Variants in NBEA observed in about 807,000 individuals in gnomAD.
The protein encoded by NBEA is lysosomal-trafficking regulator 2.
Under a neutral mutation model 343.4 loss-of-function variants are expected in NBEA, and 44 were observed. That is an observed-to-expected ratio of 0.13 (90% CI 0.10 to 0.16). The LOEUF (loss-of-function observed/expected upper bound fraction) is 0.16. NBEA is among the 10% of genes least tolerant of loss of function. The pLI, the probability that NBEA is intolerant of heterozygous loss-of-function variation, is 1.00. For synonymous variants in NBEA, 1,175 were observed against 1,238.7 expected (o/e 0.95, Z 1.08); for missense variants, 2,555 against 3,631.3 (o/e 0.70, Z 7.62).
At chr13:35,447,046 T>C (rs1318826358) in intron 39 of NBEA, among the ~76,000 whole-genome samples, 2 of 152,084 alleles carry the variant, frequency 1.3e-5, no homozygotes, top group Admixed American at 1.3e-4. Flanking sequence ...TTAGAGTTGA[T>C]TATAGGAGGA....
rs2075032386 is a variant in NBEA, at chr13:35,232,557, A to G, written c.5714A>G (p.Asp1905Gly). 1 of 1,555,940 alleles carries G rather than the reference A, an allele frequency of 6.4e-7. No homozygotes were observed. Among genetic ancestry groups the G allele is most frequent in the Non-Finnish European group, 8.7e-7 (1 of 1,148,434 alleles). ...VAPLLREIFVDFAPFLSRTLL... is the reference protein window; with the variant it reads ...VAPLLREIFVGFAPFLSRTLL... The stretch of plus-strand genomic sequence containing the variant: ...CCTCTTCTTCGTGAAATTTTTGTAG[A>G]CTTTGCCCCATTCCTATCTCGTACA... The change falls in exon 34 of 59, where the codon GAC (aspartate) becomes GGC (glycine). Residue 1905 changes from aspartate to glycine, a missense_variant. Transcript: ENST00000379939.
intron 1 of NBEA, among the ~76,000 whole-genome samples, chr13:35,010,421 C>T (rs113657803): frequency 0.061 from 9,247 of 150,996 alleles, 333 homozygotes; most frequent in Non-Finnish European, 0.068. Context: ...CTACAAAAAG[C>T]GAAACAAATA....
At chr13:35,411,252 T>G (rs1366954630) in intron 38 of NBEA, among the ~76,000 whole-genome samples, 5 of 152,234 alleles carry the variant, frequency 3.3e-5, no homozygotes, top group Admixed American at 2.6e-4. Context: ...GCATTGATTT[T>G]GGCACCCATC....
chr13:35,392,484 G>GTTT (rs71081250), intron 38 of NBEA, among the ~76,000 whole-genome samples: 2 of 136,300 alleles, frequency 1.5e-5, no homozygotes, highest in Admixed American at 7.4e-5. Context: ...TGTTTTTTTT[G>GTTT]TTTTTTTTTT....
In NBEA at chr13:35,472,511, C is replaced by G; in HGVS notation, c.6560C>G (p.Ser2187Cys). 6.2e-7 allele frequency: 1 copy of G among 1,614,030 alleles called. No individual in the cohort carries two copies. The highest frequency in any genetic ancestry group is 1.1e-5 in the South Asian group (1 of 91,082). ...EIYFEVDEDD[S>C]AFKKIDTKVL... Reference sequence around the variant, plus strand: ...TACTTCGAGGTAGATGAGGATGATTCTGCCTTCAAGAAGATCGACACGAAA... The same window carrying G: ...TACTTCGAGGTAGATGAGGATGATTGTGCCTTCAAGAAGATCGACACGAAA... The change falls in exon 41 of 59, where the codon TCT becomes TGT. Residue 2187 changes from serine to cysteine, a missense_variant. By Grantham distance (112) the Ser-to-Cys change is moderately radical. Coordinates refer to ENST00000379939, the MANE Select transcript of NBEA (RefSeq NM_001385012.1).
At chr13:35,377,470 C>T (rs986760094) in intron 38 of NBEA, among the ~76,000 whole-genome samples, 19 of 152,204 alleles carry the variant, frequency 1.2e-4, no homozygotes, top group African/African-American at 4.1e-4. Flanking sequence ...TCTTGATTCA[C>T]TGTAGTTTGA....
At chr13:35,007,418 T>A (rs2061354405) in intron 1 of NBEA, among the ~76,000 whole-genome samples, 1 of 152,232 alleles carries the variant, frequency 6.6e-6, no homozygotes, top group South Asian at 2.1e-4. Flanking sequence ...TCAAATTCAC[T>A]TATTTTTCAG....
intron 34 of NBEA, among the ~76,000 whole-genome samples, chr13:35,261,821 G>A (rs2033242955): frequency 6.6e-6 from 1 of 152,126 alleles, no homozygotes; most frequent in Admixed American, 6.5e-5. Context: ...GTTGAGAGTG[G>A]AAAATAATAC....
At chr13:34,956,751 AGTTTG>A (rs1344575513) in intron 1 of NBEA, among the ~76,000 whole-genome samples, 1 of 152,150 alleles carries the variant, frequency 6.6e-6, no homozygotes, top group East Asian at 1.9e-4. Context: ...TAAAGTTTAC[AGTTTG>A]GTGGCATTAA....
rs534552976 is a variant in NBEA, at chr13:35,429,221, G to A, written c.6180-3048G>A. On this transcript the variant is annotated intron_variant, in intron 38 of 58. Transcript: ENST00000379939. ...ACCAGCCAGCAGAGATGAAGTCCTG[G>A]CTGTCGACTTGGTGTTCTCTGATAC... Among the ~76,000 whole-genome samples, 14 of 152,262 alleles carry A rather than the reference G, an allele frequency of 9.2e-5. No individual in the cohort carries two copies. The South Asian group carries it at 2.5e-3, about 27-fold the overall frequency.
chr13:35,090,914 G>A (rs147145251), intron 10 of NBEA, among the ~76,000 whole-genome samples: 1 of 152,136 alleles, frequency 6.6e-6, no homozygotes, highest in Non-Finnish European at 1.5e-5. Flanking sequence ...AACTGGAAGT[G>A]AGTTCACTAT....
chr13:35,583,917 C>A lies in NBEA; in HGVS notation c.7055C>A (p.Pro2352His). The A allele has an allele frequency of 6.2e-7, 1 of 1,611,740 alleles. No homozygotes were observed. ...DLSKPIGALN[P>H]KRAVFYAERY... ...TAATAGCCAATTGGTGCTTTGAACC[C>A]CAAGAGAGCTGTGTTTTATGCAGAG... The change falls in exon 46 of 59, where the codon CCC becomes CAC. Residue 2352 changes from proline (P) to histidine (H), a missense_variant. Physicochemically the swap from Pro to His is moderately conservative, Grantham distance 77. Around this residue, in one of 21 missense-constraint regions of NBEA, gnomAD observed 156 missense variants for 185.8 expected, o/e 0.84. Transcript: ENST00000379939.
At chr13:35,172,469 T>A (rs779654888) in intron 26 of NBEA, among the ~76,000 whole-genome samples, 32 of 151,840 alleles carry the variant, frequency 2.1e-4, no homozygotes, top group African/African-American at 7.0e-4. Context: ...ATATATATAT[T>A]TTTAAAATGG....
intron 10 of NBEA, among the ~76,000 whole-genome samples, chr13:35,082,801 G>A (rs1442048819): frequency 1.3e-5 from 2 of 152,092 alleles, no homozygotes; most frequent in South Asian, 2.1e-4. Flanking sequence ...TGAGTTCATT[G>A]TAGATTCTGG....
At chr13:35,136,154 C>A (rs984562086) in intron 17 of NBEA, among the ~76,000 whole-genome samples, 1 of 151,928 alleles carries the variant, frequency 6.6e-6, no homozygotes, top group East Asian at 1.9e-4. Context: ...ATATTGACAG[C>A]GAAAAAAAAG....
chr13:34,992,262 AT>A (rs1261240105), intron 1 of NBEA, among the ~76,000 whole-genome samples: 121 of 114,318 alleles, frequency 1.1e-3, no homozygotes, highest in Middle Eastern at 8.4e-3. Flanking sequence ...ATATATATAT[AT>A]TTTTTTTTTT....
At chr13:35,540,099 A>C (rs2078751424) in intron 41 of NBEA, among the ~76,000 whole-genome samples, 1 of 152,004 alleles carries the variant, frequency 6.6e-6, no homozygotes, top group East Asian at 1.9e-4. Context: ...GGCTGTATCT[A>C]AAATTTTAAT....
intron 48 of NBEA, among the ~76,000 whole-genome samples, chr13:35,612,210 A>G (rs813252): frequency 1.3e-5 from 2 of 150,858 alleles, no homozygotes; most frequent in African/African-American, 4.9e-5. Flanking sequence ...TCGGCTCACT[A>G]CAAGCTCTGC....
chr13:35,321,467 C>CT (rs1026850252), intron 36 of NBEA, among the ~76,000 whole-genome samples: 2 of 152,142 alleles, frequency 1.3e-5, no homozygotes, highest in Non-Finnish European at 2.9e-5. Flanking sequence ...CCTCTGGAAG[C>CT]TTTTTCCCAG....
Sources: gnomAD v4.1 joint callset for allele counts (sites outside exome capture counted in the v4.1 genomes callset) on GRCh38, gnomAD v4.1.1 for gene constraint, gnomAD v4.1.1 regional missense constraint, MANE v1.5 for transcripts, NCBI Gene and HGNC (gene_info 2026-07-23, HGNC 2026-07-21) for gene names.